ANGPTL4: variants seen among roughly 807,000 people sequenced by gnomAD.
ANGPTL4 encodes angiopoietin like 4, also known as angiopoietin-related protein 4.
A neutral mutation model predicts 39.2 loss-of-function variants in ANGPTL4; 39 were observed. That is an observed-to-expected ratio of 1.00 (90% CI 0.77 to 1.30). The LOEUF is 1.30. Among genes scored for constraint, ANGPTL4 ranks in the 50% most tolerant of loss-of-function variants. The pLI is 0.00. For synonymous variants in ANGPTL4, 233 were observed against 229.5 expected, an observed-to-expected ratio of 1.02 and a Z score of -0.14; for missense variants, 545 against 549.8, an observed-to-expected ratio of 0.99 and a Z score of 0.09.
chr19:8,370,966 T>G, intron 4 of ANGPTL4, 90 bp from the exon 5 acceptor site: 1 of 1,405,908 alleles, frequency 7.1e-7, no homozygotes, highest in Non-Finnish European at 9.9e-7. Flanking sequence ...TTCCTGGGTT[T>G]GGAGGGGGTT....
chr19:8,370,700 T>TAAAAAA (rs33922743), intron 4 of ANGPTL4, among the ~76,000 whole-genome samples: 1 of 99,246 alleles, frequency 1.0e-5, no homozygotes, highest in Non-Finnish European at 2.0e-5. Context: ...ACTCCATCTC[T>TAAAAAA]AAAAAAAAAA....
chr19:8,371,506 C>T lies in ANGPTL4; in HGVS notation c.1023C>T (p.Cys341=), dbSNP rs1399302322. 15 of 1,613,034 alleles carry T rather than the reference C, an allele frequency of 9.3e-6. No homozygotes were observed. Among genetic ancestry groups the T allele is most frequent in the East Asian group, 2.2e-5 (1 of 44,866 alleles). ...QDHDLRRDKN[C]AKSLSGGWWF... is the part of the protein sequence containing the mutation. ...ACGACCTCCGCAGGGACAAGAACTG[C>T]GCCAAGAGCCTCTCTGGTGAGCAGG... Residue 341 remains cysteine, a synonymous_variant, in exon 6 of 7, where the codon TGC becomes TGT. Coordinates refer to ENST00000301455, the MANE Select transcript of ANGPTL4 (RefSeq NM_139314.3). This position sits in a 1 kb window ranked among gnomAD's most constrained non-coding sequence, Gnocchi z 5.1.
chr19:8,368,943 G>C (rs1460322199), intron 3 of ANGPTL4, among the ~76,000 whole-genome samples: 1 of 152,198 alleles, frequency 6.6e-6, no homozygotes, highest in African/African-American at 2.4e-5. Context: ...ACAAGGGTGG[G>C]AAGAAAGCCT....
chr19:8,364,386 G>A lies in ANGPTL4; in HGVS notation c.65G>A (p.Ser22Asn), dbSNP rs764188393. The change falls in exon 1 of 7, where the codon AGC becomes AAC. Residue 22 changes from serine to asparagine, a missense_variant. Physicochemically the swap from Ser to Asn is conservative, Grantham distance 46 (BLOSUM62 1). Transcript: ENST00000301455. The part of the protein sequence containing the change: ...MLCAATAVLL[S>N]AQGGPVQSKS... Reference sequence around the variant, plus strand: ...TGCGCCGCCACCGCCGTGCTACTGAGCGCTCAGGGCGGACCCGTGCAGTCC... The same window carrying A: ...TGCGCCGCCACCGCCGTGCTACTGAACGCTCAGGGCGGACCCGTGCAGTCC... The A allele has an allele frequency of 2.6e-6, 4 of 1,545,934 alleles. No individual in the cohort carries two copies.
At chr19:8,369,455 C>CTTTTT (rs569969146) in intron 4 of ANGPTL4, 123 bp downstream of exon 4, 9 of 325,364 alleles carry the variant, frequency 2.8e-5, no homozygotes, top group South Asian at 7.7e-5. Flanking sequence ...CCAAGCTGGT[C>CTTTTT]TTTTTTTTTT....
At chr19:8,370,562 T>C (rs968371338) in intron 4 of ANGPTL4, among the ~76,000 whole-genome samples, 14 of 151,762 alleles carry the variant, frequency 9.2e-5, no homozygotes, top group African/African-American at 3.4e-4. Context: ...ACATAAACAT[T>C]AGCCGGGCGT....
At chr19:8,369,364 T>G in intron 4 of ANGPTL4, 32 bp downstream of exon 4, 2 of 1,468,608 alleles carry the variant, frequency 1.4e-6, no homozygotes, top group Non-Finnish European at 1.9e-6. Flanking sequence ...GGGGCCCCTC[T>G]CCCCATAGGC....
Position 8,374,066 on chromosome 19 carries a change from G to T in ANGPTL4, c.*180G>T, listed in dbSNP as rs1353180622. The T allele has an allele frequency of 2.3e-5, 15 of 653,516 alleles. No individual in the cohort carries two copies. In the Admixed American group the frequency reaches 4.2e-4, roughly 18 times the overall value. 40.5% of individuals were successfully genotyped at this position (653,516 alleles called of 1,614,324 possible). On this transcript the variant is annotated 3_prime_UTR_variant, in exon 7 of 7. Coordinates refer to ENST00000301455, the MANE Select transcript of ANGPTL4 (RefSeq NM_139314.3). Reference sequence around the variant, plus strand: ...TTCTGAGTGCAGGGGGGCTGCATGCGTTGCCTCCTGAGATCGAGGCTGCAG... The same window carrying T: ...TTCTGAGTGCAGGGGGGCTGCATGCTTTGCCTCCTGAGATCGAGGCTGCAG...
At chr19:8,369,150 T>C in intron 3 of ANGPTL4, 69 bp from the exon 4 acceptor site, 2 of 1,269,882 alleles carry the variant, frequency 1.6e-6, no homozygotes, top group South Asian at 2.5e-5. Context: ...CCCCCAGATA[T>C]GCCTGGCTCC....
Position 8,371,088 on chromosome 19 carries a change from G to A in ANGPTL4, c.694G>A (p.Asp232Asn), listed in dbSNP as rs751166545. 3.7e-6 allele frequency: 6 copies of A among 1,607,966 alleles called. No individual in the cohort carries two copies. In the African/African-American group the frequency reaches 4.0e-5, roughly 11 times the overall value. ...GGWTVIQRRH[D>N]GSVDFNRPWE... ...CTGGACAGTAATTCAGAGGCGCCAC[G>A]ATGGCTCAGTGGACTTCAACCGGCC... Residue 232 changes from aspartate (D) to asparagine (N), a missense_variant, in exon 5 of 7, where the codon GAT becomes AAT. By Grantham distance (23) the Asp-to-Asn change is conservative. Transcript: ENST00000301455. This position sits in a 1 kb window ranked among gnomAD's most constrained non-coding sequence, Gnocchi z 5.1.
At position 8,371,404 on chromosome 19, in the gene ANGPTL4, C is replaced by A; in HGVS notation, c.921C>A (p.Pro307=). 2.5e-6 allele frequency: 4 copies of A among 1,613,432 alleles called. No individual in the cohort carries two copies. The highest frequency in any genetic ancestry group is 3.4e-6 in the Non-Finnish European group (4 of 1,180,002). ...CCTATAGCCTGCAGCTCACTGCACC[C>A]GTGGCCGGCCAGCTGGGCGCCACCA... is the stretch of plus-strand genomic sequence containing the variant. ...DTAYSLQLTA[P]VAGQLGATTV... The change falls in exon 6 of 7, where the codon CCC becomes CCA. Residue 307 remains proline, a synonymous_variant. Coordinates refer to ENST00000301455, the MANE Select transcript of ANGPTL4 (RefSeq NM_139314.3). This position sits in a 1 kb window ranked among gnomAD's most constrained non-coding sequence, Gnocchi z 5.1.
At position 8,364,546 on chromosome 19, in the gene ANGPTL4, G is replaced by C. The variant is rs755664193; in HGVS notation, c.225G>C (p.Ala75=). ...QLSALERRLS[A]CGSACQGTEG... is the part of the protein sequence containing the mutation. ...GCGCGCTGGAGCGGCGCCTGAGCGC[G>C]TGCGGGTCCGCCTGTCAGGGAACCG... The change falls in exon 1 of 7, where the codon GCG becomes GCC. Residue 75 remains alanine, a synonymous_variant. Coordinates refer to ENST00000301455, the MANE Select transcript of ANGPTL4 (RefSeq NM_139314.3). The C allele has an allele frequency of 1.4e-5, 22 of 1,575,156 alleles. No homozygotes were observed. In the East Asian group the frequency reaches 5.1e-4, roughly 37 times the overall value.
intron 1 of ANGPTL4, among the ~76,000 whole-genome samples, chr19:8,365,153 A>C (rs890385922): frequency 6.6e-6 from 1 of 150,984 alleles, no homozygotes; most frequent in Non-Finnish European, 1.5e-5. Context: ...TGGGCAACAG[A>C]GTGAGACTCC....
Position 8,371,025 on chromosome 19 carries a change from C to A in ANGPTL4, c.662-31C>A. On this transcript the variant is annotated intron_variant, in intron 4 of 6. Coordinates refer to ENST00000301455, the MANE Select transcript of ANGPTL4 (RefSeq NM_139314.3). This position sits in a 1 kb window ranked among gnomAD's most constrained non-coding sequence, Gnocchi z 5.1. ...GAGTGGGGTCGTCTGTGAAGAGGGA[C>A]TTCCTGGTGACCTTGTACCTTTCTG... The A allele has an allele frequency of 3.8e-6, 6 of 1,561,448 alleles. No homozygotes were observed. The highest frequency in any genetic ancestry group is 5.2e-6 in the Non-Finnish European group (6 of 1,152,056).
rs199564844 is a variant in ANGPTL4 at position 8,371,151 on chromosome 19, G to A, written c.757G>A (p.Gly253Ser). Residue 253 changes from glycine (G) to serine (S), a missense_variant and splice_region_variant, in exon 5 of 7, where the codon GGC (glycine) becomes AGC (serine). Transcript: ENST00000301455. This position sits in a 1 kb window ranked among gnomAD's most constrained non-coding sequence, Gnocchi z 5.1. The part of the protein sequence containing the change: ...AYKAGFGDPH[G>S]EFWLGLEKVH... The stretch of plus-strand genomic sequence containing the variant: ...CAAGGCGGGGTTTGGGGATCCCCAC[G>A]GTAGGTGTTTCTAGTGGGGACAGAG... The A allele has an allele frequency of 4.0e-5, 65 of 1,613,792 alleles. No homozygotes were observed. The highest frequency in any genetic ancestry group is 1.7e-4 in the Middle Eastern group (1 of 6,060).
rs760847575 is a variant in ANGPTL4 at position 8,364,375 on chromosome 19, C to G, written c.54C>G (p.Ala18=). The stretch of plus-strand genomic sequence containing the variant: ...CCCTGATGCTCTGCGCCGCCACCGC[C>G]GTGCTACTGAGCGCTCAGGGCGGAC... ...GAALMLCAAT[A]VLLSAQGGPV... is the part of the protein sequence containing the mutation. The change falls in exon 1 of 7, where the codon GCC becomes GCG. Residue 18 remains alanine, a synonymous_variant. Coordinates refer to ENST00000301455, the MANE Select transcript of ANGPTL4 (RefSeq NM_139314.3). 3 of 1,547,404 alleles carry G rather than the reference C, an allele frequency of 1.9e-6. 1 individual carries two copies. The South Asian group carries it at 3.5e-5, about 18-fold the overall frequency.
At chr19:8,369,453 G>GTA in intron 4 of ANGPTL4, 121 bp downstream of exon 4, 4 of 590,454 alleles carry the variant, frequency 6.8e-6, no homozygotes, top group East Asian at 3.7e-5. Flanking sequence ...GCCCAAGCTG[G>GTA]TCTTTTTTTT....
Position 8,371,341 on chromosome 19 carries a change from G to A in ANGPTL4, c.858G>A (p.Leu286=), listed in dbSNP as rs1971114331. The change falls in exon 6 of 7, where the codon TTG becomes TTA. Residue 286 remains leucine (L), a synonymous_variant. Transcript: ENST00000301455. This position sits in a 1 kb window ranked among gnomAD's most constrained non-coding sequence, Gnocchi z 5.1. The part of the protein sequence containing the change: ...QLRDWDGNAE[L]LQFSVHLGGE... The stretch of plus-strand genomic sequence containing the variant: ...GGGACTGGGATGGCAACGCCGAGTT[G>A]CTGCAGTTCTCCGTGCACCTGGGTG... 1 of 1,613,678 alleles carries A rather than the reference G, an allele frequency of 6.2e-7. No individual in the cohort carries two copies. The highest frequency in any genetic ancestry group is 1.3e-5 in the African/African-American group (1 of 74,954).
rs577445388 is a variant in ANGPTL4 at position 8,365,951 on chromosome 19, C to T, written c.319-3C>T. On this transcript the variant is annotated splice_region_variant and splice_polypyrimidine_tract_variant and intron_variant, in intron 1 of 6. Transcript: ENST00000301455. ...CCTCACCAAGGTTTTCACCCCTCCCCAGACACAACTCAAGGCTCAGAACAG... is the reference window on the plus strand; with the variant it reads ...CCTCACCAAGGTTTTCACCCCTCCCTAGACACAACTCAAGGCTCAGAACAG... The T allele has an allele frequency of 6.2e-7, 1 of 1,613,846 alleles. No homozygotes were observed. The highest frequency in any genetic ancestry group is 2.2e-5 in the East Asian group (1 of 44,880).
Sources: allele counts gnomAD v4.1 joint callset (sites outside exome capture counted in the v4.1 genomes callset), GRCh38; gene constraint gnomAD v4.1.1; non-coding constraint Gnocchi (gnomAD v3.1); transcripts MANE v1.5; gene names NCBI Gene and HGNC (gene_info 2026-07-23, HGNC 2026-07-21).